The following NUP205 variants were observed in gnomAD, a reference collection of about 807,000 sequenced individuals.
The protein encoded by NUP205 is nuclear pore complex protein Nup205.
In NUP205, 76 loss-of-function variants were observed where a neutral mutation model predicts 253.8. That is an observed-to-expected ratio of 0.30 (90% CI 0.25 to 0.36). NUP205 has a LOEUF of 0.36. Among genes scored for constraint, NUP205 ranks in the 10% least tolerant of loss-of-function variants. The probability of loss-of-function intolerance (pLI) is 1.00; values close to 1 mark genes in which losing one functional copy is unlikely to be tolerated. For missense variants in NUP205, 2,162 were observed against 2,425.5 expected (o/e 0.89, Z 2.28); for synonymous variants, 832 against 850.1 (o/e 0.98, Z 0.37).
intron 20 of NUP205, 54 bp downstream of exon 20, chr7:135,606,280 T>A: frequency 9.0e-7 from 1 of 1,114,070 alleles, no homozygotes; most frequent in Non-Finnish European, 1.4e-6. Flanking sequence ...TATATATGCT[T>A]AATTTAAAGA....
chr7:135,593,954 G>A (rs1240546794), intron 12 of NUP205, among the ~76,000 whole-genome samples: 1 of 152,082 alleles, frequency 6.6e-6, no homozygotes, highest in Non-Finnish European at 1.5e-5. Context: ...ATGTTCAAAA[G>A]CCAGAAGAGA....
intron 27 of NUP205, among the ~76,000 whole-genome samples, 154 bp from the exon 28 acceptor site, chr7:135,618,257 AT>A (rs1340605190): frequency 1.3e-5 from 2 of 152,160 alleles, no homozygotes; most frequent in Non-Finnish European, 2.9e-5. Flanking sequence ...ATATGTTAAT[AT>A]TTTTTATAGC....
At chr7:135,636,971 A>C (rs1794821560) in intron 36 of NUP205, among the ~76,000 whole-genome samples, 1 of 152,218 alleles carries the variant, frequency 6.6e-6, no homozygotes. Context: ...AGACCATTGC[A>C]CTTTAGCCTG....
intron 1 of NUP205, among the ~76,000 whole-genome samples, chr7:135,568,645 A>C (rs1443088185): frequency 3.9e-5 from 6 of 152,084 alleles, no homozygotes; most frequent in Admixed American, 2.6e-4. Context: ...TATTTTATAT[A>C]ATACTTTTGT....
At chr7:135,592,421 A>G (rs1420193591) in intron 11 of NUP205, among the ~76,000 whole-genome samples, 2 of 152,272 alleles carry the variant, frequency 1.3e-5, no homozygotes, top group African/African-American at 2.4e-5. Flanking sequence ...CCGACATCCA[A>G]AGTAAATTAC....
rs749243035 is a variant in NUP205, at chr7:135,645,564, C to T, written c.5780C>T (p.Ser1927Leu). Reference protein sequence around the residue: ...PTDSQDSLFASRTLFKSRRLQ... With the variant: ...PTDSQDSLFALRTLFKSRRLQ... ...GATTCTCAAGATTCCTTATTTGCCTCGAGAACCTTGTTTAAAAGCAGAAGA... is the reference window on the plus strand; with the variant it reads ...GATTCTCAAGATTCCTTATTTGCCTTGAGAACCTTGTTTAAAAGCAGAAGA... The change falls in exon 41 of 43, where the codon TCG becomes TTG. Residue 1927 changes from serine to leucine, a missense_variant. By Grantham distance (145) the Ser-to-Leu change is moderately radical. Around this residue, in one of 5 missense-constraint regions of NUP205, gnomAD observed 1,144 missense variants for 1,280.9 expected, o/e 0.89. Transcript: ENST00000285968. The T allele has an allele frequency of 6.2e-6, 10 of 1,614,054 alleles. No individual in the cohort carries two copies. The highest frequency in any genetic ancestry group is 1.1e-5 in the South Asian group (1 of 91,082).
intron 38 of NUP205, among the ~76,000 whole-genome samples, chr7:135,639,821 A>G (rs187168440): frequency 2.4e-4 from 37 of 152,386 alleles, no homozygotes; most frequent in African/African-American, 7.9e-4. Context: ...ATGTCCATCA[A>G]TGATAGACTG....
intron 1 of NUP205, among the ~76,000 whole-genome samples, chr7:135,562,370 G>A (rs541069539): frequency 1.3e-5 from 2 of 151,530 alleles, no homozygotes; most frequent in African/African-American, 4.8e-5. Flanking sequence ...GCTAATTTTT[G>A]TAATTTTAGT....
intron 38 of NUP205, among the ~76,000 whole-genome samples, chr7:135,640,569 C>A (rs1311104875): frequency 1.3e-5 from 2 of 152,146 alleles, no homozygotes; most frequent in Admixed American, 1.3e-4. Flanking sequence ...TCTGCCTTCT[C>A]CTACCAGTGT....
chr7:135,610,045 A>G (rs553237033), intron 22 of NUP205, among the ~76,000 whole-genome samples: 1 of 152,310 alleles, frequency 6.6e-6, no homozygotes, highest in East Asian at 1.9e-4. Flanking sequence ...TTACCATGCC[A>G]GAGTGCAGGA....
chr7:135,610,531 T>C (rs1207635452), intron 22 of NUP205, among the ~76,000 whole-genome samples: 1 of 152,164 alleles, frequency 6.6e-6, no homozygotes, highest in Non-Finnish European at 1.5e-5. Flanking sequence ...TAACATATGC[T>C]CTGTGACCTT....
chr7:135,601,367 T>C lies in NUP205; in HGVS notation c.2375-3T>C. The stretch of plus-strand genomic sequence containing the variant: ...CTCTTGGAATATGTTATGTTCTATT[T>C]AGGAGAAGAAATCATAGCCTATAAG... On this transcript the variant is annotated splice_polypyrimidine_tract_variant and splice_region_variant and intron_variant, in intron 16 of 42. Transcript: ENST00000285968. 1.9e-6 allele frequency: 3 copies of C among 1,610,946 alleles called. No homozygotes were observed. The highest frequency in any genetic ancestry group is 2.5e-6 in the Non-Finnish European group (3 of 1,178,514).
At chr7:135,607,830 G>A (rs1216312780) in intron 22 of NUP205, among the ~76,000 whole-genome samples, 1 of 151,790 alleles carries the variant, frequency 6.6e-6, no homozygotes, top group Non-Finnish European at 1.5e-5. Context: ...TTAAGAAGGG[G>A]TCTCACTGTC....
chr7:135,637,932 G>A lies in NUP205; in HGVS notation c.5138G>A (p.Arg1713His), dbSNP rs764187032. 3 of 1,604,856 alleles carry A rather than the reference G, an allele frequency of 1.9e-6. No homozygotes were observed. The highest frequency in any genetic ancestry group is 1.7e-6 in the Non-Finnish European group (2 of 1,177,356). The change falls in exon 37 of 43, where the codon CGC becomes CAC. Residue 1713 changes from arginine to histidine, a missense_variant and splice_region_variant. Physicochemically the swap from Arg to His is conservative, Grantham distance 29. Coordinates refer to ENST00000285968, the MANE Select transcript of NUP205 (RefSeq NM_015135.3). ...AACAAGATATCTTTTTCTTGTTAGC[G>A]CCAGTGCTTAGGACTACTAAGTCGC... Reference protein sequence around the residue: ...ELQGHIGRFQRQCLGLLSRFG... With the variant: ...ELQGHIGRFQHQCLGLLSRFG...
Position 135,594,557 on chromosome 7 carries a change from C to T in NUP205, c.1841C>T (p.Ala614Val), listed in dbSNP as rs1183963922. ...TSTIITWSEN[A>V]RLALCEHPQW... The stretch of plus-strand genomic sequence containing the variant: ...TGTGTCAATTCTTAGAGTGAAAATG[C>T]TCGCTTGGCACTCTGTGAACACCCT... The change falls in exon 13 of 43, where the codon GCT (alanine) becomes GTT (valine). Residue 614 changes from alanine (A) to valine (V), a missense_variant. Coordinates refer to ENST00000285968, the MANE Select transcript of NUP205 (RefSeq NM_015135.3). The T allele has an allele frequency of 3.2e-6, 5 of 1,579,212 alleles. No homozygotes were observed. The highest frequency in any genetic ancestry group is 2.7e-5 in the African/African-American group (2 of 72,946).
intron 1 of NUP205, among the ~76,000 whole-genome samples, chr7:135,568,259 C>A (rs1196340271): frequency 6.6e-6 from 1 of 151,598 alleles, no homozygotes; most frequent in East Asian, 1.9e-4. Context: ...ATTTAGTGGG[C>A]CCCTCACCAA....
intron 22 of NUP205, among the ~76,000 whole-genome samples, chr7:135,607,894 C>T (rs1055403984): frequency 1.3e-5 from 2 of 152,048 alleles, no homozygotes; most frequent in African/African-American, 4.8e-5. Flanking sequence ...CTCAACCTCC[C>T]CTGGATCAGA....
intron 33 of NUP205, 103 bp from the exon 34 acceptor site, chr7:135,627,870 C>T (rs1794627134): frequency 8.4e-7 from 1 of 1,190,016 alleles, no homozygotes; most frequent in Admixed American, 1.8e-5. Flanking sequence ...TGATTCACAT[C>T]TTAATCAGCC....
At chr7:135,624,564 AG>A (rs1334535531) in intron 31 of NUP205, among the ~76,000 whole-genome samples, 1 of 152,002 alleles carries the variant, frequency 6.6e-6, no homozygotes, top group Non-Finnish European at 1.5e-5. Flanking sequence ...TTTGTAGTAG[AG>A]ATGGAGTTTC....
Sources: allele counts gnomAD v4.1 joint callset (sites outside exome capture counted in the v4.1 genomes callset), GRCh38; gene constraint gnomAD v4.1.1; regional missense constraint gnomAD v4.1.1; transcripts MANE v1.5; gene names NCBI Gene and HGNC (gene_info 2026-07-23, HGNC 2026-07-21).